EML5: variants seen among roughly 807,000 people sequenced by gnomAD.
The protein encoded by EML5 is echinoderm microtubule-associated protein-like 5.
In EML5, 120 loss-of-function variants were observed where a neutral mutation model predicts 250.0. That is an observed-to-expected ratio of 0.48 (90% CI 0.41 to 0.56). The LOEUF (loss-of-function observed/expected upper bound fraction) is 0.56, where lower values mean the gene tolerates loss of function less well. EML5 is among the 20% of genes least tolerant of loss of function. EML5 has a pLI of 0.00. For synonymous variants in EML5, 771 were observed against 806.5 expected, an observed-to-expected ratio of 0.96 and a Z score of 0.75; for missense variants, 2,006 against 2,437.6, an observed-to-expected ratio of 0.82 and a Z score of 3.73.
chr14:88,672,416 A>G (rs953361780), intron 21 of EML5, among the ~76,000 whole-genome samples: 5 of 152,188 alleles, frequency 3.3e-5, no homozygotes, highest in African/African-American at 1.2e-4. Flanking sequence ...AGGGAAATGT[A>G]TAGCCCTAAA....
At chr14:88,690,063 T>C (rs763316552) in intron 17 of EML5, among the ~76,000 whole-genome samples, 18 of 152,048 alleles carry the variant, frequency 1.2e-4, no homozygotes, top group Non-Finnish European at 2.6e-4. Context: ...TAGAAGAGTG[T>C]TCCAGGCAGA....
chr14:88,786,687 G>A (rs1030311501), intron 1 of EML5, among the ~76,000 whole-genome samples: 1 of 152,140 alleles, frequency 6.6e-6, no homozygotes, highest in African/African-American at 2.4e-5. Context: ...ATGGTAGTAA[G>A]TCTCACGAGA....
chr14:88,645,349 C>T (rs1423323766), intron 29 of EML5, among the ~76,000 whole-genome samples: 1 of 152,066 alleles, frequency 6.6e-6, no homozygotes, highest in East Asian at 1.9e-4. Context: ...CTTTGGTGTA[C>T]GTGTCATAAT....
chr14:88,650,281 C>T (rs1476919830), intron 27 of EML5, among the ~76,000 whole-genome samples: 3 of 151,914 alleles, frequency 2.0e-5, no homozygotes, highest in African/African-American at 7.3e-5. Flanking sequence ...GGTGAAACCC[C>T]GTCTCTACTA....
In EML5 at chr14:88,624,740, A is replaced by G. The variant is rs550036355; in HGVS notation, c.4898+230T>C. On this transcript the variant is annotated intron_variant, in intron 36 of 43. Transcript: ENST00000554922. ...AACTCAACTTGTAGGACAACTACCT[A>G]TCCACACCTCAGAAAAAGTATCACC... is the stretch of plus-strand genomic sequence containing the variant. 4 of 502,432 alleles carry G rather than the reference A, an allele frequency of 8.0e-6. 1 individual carries two copies. In the South Asian group the frequency reaches 1.0e-4, roughly 13 times the overall value. 31.1% of individuals were successfully genotyped at this position (502,432 alleles called of 1,614,324 possible).
At chr14:88,735,714 T>C (rs368608013) in intron 7 of EML5, among the ~76,000 whole-genome samples, 5 of 152,176 alleles carry the variant, frequency 3.3e-5, no homozygotes, top group Non-Finnish European at 7.4e-5. Context: ...AAATGTATAA[T>C]GATATTCACT....
At chr14:88,627,625 A>G in intron 34 of EML5, 21 bp downstream of exon 34, 2 of 1,572,390 alleles carry the variant, frequency 1.3e-6, no homozygotes, top group Non-Finnish European at 1.7e-6. Flanking sequence ...TTTAAAAATC[A>G]AACACACAAA....
chr14:88,726,821 G>T, intron 7 of EML5, 143 bp from the exon 8 acceptor site: 1 of 664,922 alleles, frequency 1.5e-6, no homozygotes, highest in Non-Finnish European at 2.4e-6. Flanking sequence ...TCTTATCTAT[G>T]AAAATGGGAA....
intron 21 of EML5, among the ~76,000 whole-genome samples, chr14:88,669,460 G>C (rs1052678196): frequency 6.6e-6 from 1 of 152,210 alleles, no homozygotes; most frequent in Admixed American, 6.5e-5. Flanking sequence ...GTGCAGCACA[G>C]AGGCTGTGGC....
chr14:88,683,802 CAACTT>C (rs1219487868), intron 20 of EML5, among the ~76,000 whole-genome samples: 8 of 152,178 alleles, frequency 5.3e-5, no homozygotes, highest in Non-Finnish European at 7.3e-5. Context: ...AGTAACTCCT[CAACTT>C]AAACTTAGTA....
chr14:88,743,520 G>A (rs1027342970), intron 4 of EML5, among the ~76,000 whole-genome samples: 1 of 152,002 alleles, frequency 6.6e-6, no homozygotes, highest in African/African-American at 2.4e-5. Flanking sequence ...ATACACTGCC[G>A]CCTTATTTAA....
At chr14:88,785,585 C>A (rs1214029291) in intron 1 of EML5, among the ~76,000 whole-genome samples, 1 of 152,210 alleles carries the variant, frequency 6.6e-6, no homozygotes, top group Non-Finnish European at 1.5e-5. Flanking sequence ...GCCAGCAACT[C>A]CATTCTTCCA....
chr14:88,707,897 C>G (rs1395663707), intron 10 of EML5, among the ~76,000 whole-genome samples: 2 of 152,172 alleles, frequency 1.3e-5, no homozygotes, highest in Admixed American at 1.3e-4. Flanking sequence ...CCCTTAAGCA[C>G]TCTTAGACAT....
At chr14:88,702,345 A>G (rs969546050) in intron 14 of EML5, 101 bp downstream of exon 14, 2 of 854,788 alleles carry the variant, frequency 2.3e-6, no homozygotes, top group Non-Finnish European at 1.6e-6. Context: ...AGAATTCTTT[A>G]CTCTTCATAT....
chr14:88,685,088 T>G lies in EML5; in HGVS notation c.2909A>C (p.His970Pro). The change falls in exon 20 of 44, where the codon CAT (histidine) becomes CCT (proline). Residue 970 changes from histidine to proline, a missense_variant. By Grantham distance (77) the His-to-Pro change is moderately conservative. Around this residue, in one of 7 missense-constraint regions of EML5, gnomAD observed 1,375 missense variants for 1,590.3 expected, o/e 0.86. Coordinates refer to ENST00000554922, the MANE Select transcript of EML5 (RefSeq NM_183387.3). The stretch of plus-strand genomic sequence containing the variant: ...ACCATTCTTTGTGCCAACTAAAATA[T>G]GACCATGTCCTAATGATATGGCACG... Reference protein sequence around the residue: ...SIRAISLGHGHILVGTKNGEI... With the variant: ...SIRAISLGHGPILVGTKNGEI... 6.2e-7 allele frequency: 1 copy of G among 1,611,548 alleles called. No individual in the cohort carries two copies. The highest frequency in any genetic ancestry group is 8.5e-7 in the Non-Finnish European group (1 of 1,178,506).
Position 88,712,386 on chromosome 14 carries a change from C to G in EML5, c.1542G>C (p.Lys514Asn), listed in dbSNP as rs751028685. Residue 514 changes from lysine to asparagine, a missense_variant, in exon 10 of 44, where the codon AAG (lysine) becomes AAC (asparagine). Physicochemically the swap from Lys to Asn is moderately conservative, Grantham distance 94. Around this residue, in one of 7 missense-constraint regions of EML5, gnomAD observed 1,375 missense variants for 1,590.3 expected, o/e 0.86. Transcript: ENST00000554922. The stretch of plus-strand genomic sequence containing the variant: ...AATTTATATCGTTGATATCTGAATA[C>G]TTGGGCCAAATTCCATTTACTTCAA... Reference protein sequence around the residue: ...SGLEVNGIWPKYSDINDINSV... With the variant: ...SGLEVNGIWPNYSDINDINSV... 1.2e-6 allele frequency: 2 copies of G among 1,613,586 alleles called. No homozygotes were observed. The highest frequency in any genetic ancestry group is 1.3e-5 in the African/African-American group (1 of 75,026).
At chr14:88,636,224 T>A (rs569696754) in intron 32 of EML5, among the ~76,000 whole-genome samples, 6 of 152,228 alleles carry the variant, frequency 3.9e-5, no homozygotes, top group African/African-American at 1.2e-4. Flanking sequence ...TTCAGGACCA[T>A]CTGGTAGAGA....
Position 88,706,369 on chromosome 14 carries a change from G to C in EML5, c.1715C>G (p.Ser572Ter). ...AGAAATAACCCACTGATAATCATGT[G>C]ACCATCTGACATTAGTTACGTGAGC... is the stretch of plus-strand genomic sequence containing the variant. Reference protein sequence around the residue: ...HSAHVTNVRWSHDYQWVISIG... With the variant: ...HSAHVTNVRW Residue 572 changes from serine (S) to a stop codon, truncating the protein, a stop_gained, in exon 11 of 44, where the codon TCA becomes TGA. Coordinates refer to ENST00000554922, the MANE Select transcript of EML5 (RefSeq NM_183387.3). LOFTEE classifies it high-confidence loss of function. 6.2e-7 allele frequency: 1 copy of C among 1,609,080 alleles called. No individual in the cohort carries two copies. The highest frequency in any genetic ancestry group is 8.5e-7 in the Non-Finnish European group (1 of 1,177,850).
At chr14:88,754,784 CT>C in intron 1 of EML5, 113 bp from the exon 2 acceptor site, 1 of 926,768 alleles carries the variant, frequency 1.1e-6, no homozygotes, top group Non-Finnish European at 1.6e-6. Context: ...ACTTTATCCA[CT>C]TTAGACAATT....
Sources: allele counts gnomAD v4.1 joint callset (sites outside exome capture counted in the v4.1 genomes callset), GRCh38; gene constraint gnomAD v4.1.1; regional missense constraint gnomAD v4.1.1; transcripts MANE v1.5; gene names NCBI Gene and HGNC (gene_info 2026-07-23, HGNC 2026-07-21).